The following FAP variants were observed in gnomAD, a reference collection of about 807,000 sequenced individuals.
FAP encodes fibroblast activation protein alpha.
FAP carries 110 observed loss-of-function variants against 126.5 expected under a neutral mutation model. The observed-to-expected ratio is 0.87, with a 90% CI of 0.74 to 1.02. The LOEUF (loss-of-function observed/expected upper bound fraction) is 1.02, where lower values mean the gene tolerates loss of function less well. Ranked by LOEUF, FAP falls within the 50% of genes least tolerant of loss-of-function variation. The probability of loss-of-function intolerance (pLI) is 0.00; values close to 1 mark genes in which losing one functional copy is unlikely to be tolerated. For missense variants in FAP, 919 were observed against 909.2 expected (o/e 1.01, Z -0.14); for synonymous variants, 334 against 297.3 (o/e 1.12, Z -1.27).
In FAP at chr2:162,215,946, G is replaced by T. The variant is rs148803327; in HGVS notation, c.818C>A (p.Ala273Glu). 4 of 1,613,902 alleles carry T rather than the reference G, an allele frequency of 2.5e-6. No individual in the cohort carries two copies. Among genetic ancestry groups the T allele is most frequent in the Non-Finnish European group, 3.4e-6 (4 of 1,179,962 alleles). Residue 273 changes from alanine (A) to glutamate (E), a missense_variant, in exon 10 of 26, where the codon GCG becomes GAG. Transcript: ENST00000188790. ...RIFIIDTTYPAYVGPQEVPVP... is the reference protein window; with the variant it reads ...RIFIIDTTYPEYVGPQEVPVP... ...AGGCACTTCCTGGGGACCTACATACGCAGGGTAAGTGGTATCGATAATAAA... is the reference window on the plus strand; with the variant it reads ...AGGCACTTCCTGGGGACCTACATACTCAGGGTAAGTGGTATCGATAATAAA...
At chr2:162,198,661 C>T (rs1164846391) in intron 16 of FAP, 96 bp downstream of exon 16, 3 of 1,376,864 alleles carry the variant, frequency 2.2e-6, no homozygotes, top group Non-Finnish European at 3.0e-6. Flanking sequence ...ATAACAAATG[C>T]TCATTAACTG....
chr2:162,219,952 A>G, intron 6 of FAP, 27 bp from the exon 7 acceptor site: 1 of 1,514,230 alleles, frequency 6.6e-7, no homozygotes, highest in Non-Finnish European at 9.2e-7. Flanking sequence ...AAAGAAAAAC[A>G]ACAAACCTTG....
rs1389321169 is a variant in FAP, at chr2:162,214,030, C to A, written c.910G>T (p.Val304Leu). Residue 304 changes from valine (V) to leucine (L), a missense_variant, in exon 11 of 26, where the codon GTA (valine) becomes TTA (leucine). Coordinates refer to ENST00000188790, the MANE Select transcript of FAP (RefSeq NM_004460.5). ...ACTCTTTTTAGCCACTGCAAACATA[C>A]TCGTTCATCAGTAACCCACGTGAGC... ...SWLTWVTDERVCLQWLKRVQN... is the reference protein window; with the variant it reads ...SWLTWVTDERLCLQWLKRVQN... The A allele has an allele frequency of 6.2e-6, 10 of 1,613,962 alleles. No homozygotes were observed. The East Asian group carries it at 2.2e-4, about 36-fold the overall frequency.
chr2:162,217,904 T>TG, intron 9 of FAP, 82 bp downstream of exon 9: 1 of 1,106,500 alleles, frequency 9.0e-7, no homozygotes, highest in Non-Finnish European at 1.3e-6. Context: ...CCAAACTTGT[T>TG]GATCCCACCT....
At position 162,200,559 on chromosome 2, in the gene FAP, A is replaced by C. The variant is rs1688457740; in HGVS notation, c.1277+7T>G. On this transcript the variant is annotated splice_region_variant and intron_variant, in intron 15 of 25. Transcript: ENST00000188790. ...TAGAAATACCAGAATGAATGGACATAAATTACCTGTAGATGTTTCTTCTTC... is the reference window on the plus strand; with the variant it reads ...TAGAAATACCAGAATGAATGGACATCAATTACCTGTAGATGTTTCTTCTTC... 6.8e-7 allele frequency: 1 copy of C among 1,468,292 alleles called. No homozygotes were observed. Among genetic ancestry groups the C allele is most frequent in the East Asian group, 2.3e-5 (1 of 43,426 alleles). 91.0% of individuals were successfully genotyped at this position (1,468,292 alleles called of 1,614,324 possible).
intron 23 of FAP, 39 bp from the exon 24 acceptor site, chr2:162,173,260 AGTT>A (rs1414164217): frequency 6.8e-7 from 1 of 1,467,578 alleles, no homozygotes; most frequent in Non-Finnish European, 9.6e-7. Flanking sequence ...AGTTGCTGCA[AGTT>A]CTAATAGAAA....
chr2:162,182,531 C>T (rs566097336), intron 21 of FAP, among the ~76,000 whole-genome samples: 1 of 152,284 alleles, frequency 6.6e-6, no homozygotes, highest in East Asian at 1.9e-4. Flanking sequence ...CATCTGGTCA[C>T]TGAGCTGAGT....
chr2:162,176,166 G>C (rs1687476263), intron 21 of FAP: 1 of 152,158 alleles, frequency 6.6e-6, no homozygotes, highest in South Asian at 2.1e-4. Flanking sequence ...GTGAGAAAGA[G>C]AGAGAGAGAG....
chr2:162,221,163 C>G (rs1014006957), intron 6 of FAP, among the ~76,000 whole-genome samples: 1 of 152,080 alleles, frequency 6.6e-6, no homozygotes, highest in Admixed American at 6.6e-5. Flanking sequence ...CAATGAGAGT[C>G]CTGGCCGCCA....
chr2:162,177,050 A>G (rs1458539561), intron 21 of FAP, among the ~76,000 whole-genome samples: 1 of 152,054 alleles, frequency 6.6e-6, no homozygotes, highest in Non-Finnish European at 1.5e-5. Flanking sequence ...GAAGAGGGGG[A>G]AAAAAGAAAA....
At chr2:162,187,316 G>A (rs1051210049) in intron 20 of FAP, among the ~76,000 whole-genome samples, 8 of 152,068 alleles carry the variant, frequency 5.3e-5, no homozygotes, top group African/African-American at 1.9e-4. Flanking sequence ...CTCTTTGCCT[G>A]TGAAACAGTG....
At chr2:162,186,023 G>T (rs548831071) in intron 20 of FAP, among the ~76,000 whole-genome samples, 3 of 152,208 alleles carry the variant, frequency 2.0e-5, no homozygotes, top group African/African-American at 7.2e-5. Context: ...TATAGACTTT[G>T]CATGGGGCCA....
intron 17 of FAP, among the ~76,000 whole-genome samples, chr2:162,190,107 C>A (rs1331937154): frequency 6.6e-6 from 1 of 151,952 alleles, no homozygotes; most frequent in Non-Finnish European, 1.5e-5. Context: ...TTTCTTTTAT[C>A]ATATACTTAA....
At chr2:162,184,761 C>T (rs1687805338) in intron 20 of FAP, among the ~76,000 whole-genome samples, 1 of 151,092 alleles carries the variant, frequency 6.6e-6, no homozygotes, top group Non-Finnish European at 1.5e-5. Context: ...AGAGAAGGTT[C>T]ACTTTCTTGT....
chr2:162,180,775 C>T (rs749987611), intron 21 of FAP, among the ~76,000 whole-genome samples: 5 of 152,108 alleles, frequency 3.3e-5, no homozygotes, highest in African/African-American at 4.8e-5. Flanking sequence ...TTACCTTAGG[C>T]GTAAGTTAAG....
chr2:162,192,461 C>A (rs79475499), intron 17 of FAP, among the ~76,000 whole-genome samples: 4,274 of 152,136 alleles, frequency 0.028, 79 homozygotes, highest in Admixed American at 0.044. Context: ...TCTCCAGGCT[C>A]ATTTTTCTCC....
chr2:162,202,994 C>T, intron 13 of FAP, 47 bp downstream of exon 13: 1 of 1,594,500 alleles, frequency 6.3e-7, no homozygotes. Flanking sequence ...ATTTGAGCAA[C>T]CTCAAGTGAA....
At chr2:162,171,786 T>G (rs527535897) in intron 25 of FAP, 1 of 150,940 alleles carries the variant, frequency 6.6e-6, no homozygotes, top group African/African-American at 2.5e-5. Flanking sequence ...TTTTTAAAAA[T>G]TTGATATATA....
chr2:162,233,119 A>G (rs771863313), intron 2 of FAP, among the ~76,000 whole-genome samples: 1 of 151,914 alleles, frequency 6.6e-6, no homozygotes. Flanking sequence ...AGACACGTAC[A>G]TTAAACTTCC....
Sources: allele counts gnomAD v4.1 joint callset (sites outside exome capture counted in the v4.1 genomes callset), GRCh38; gene constraint gnomAD v4.1.1; transcripts MANE v1.5; gene names NCBI Gene and HGNC (gene_info 2026-07-23, HGNC 2026-07-21).